The following NRL variants were observed in gnomAD, a reference collection of about 807,000 sequenced individuals.
NRL encodes neural retina leucine zipper.
NRL carries 16 observed loss-of-function variants against 12.5 expected under a neutral mutation model. The observed-to-expected ratio is 1.28, with a 90% CI of 0.87 to 1.95. The LOEUF (loss-of-function observed/expected upper bound fraction) is 1.95. Among genes scored for constraint, NRL ranks in the 30% most tolerant of loss-of-function variants. NRL has a pLI of 0.00. For synonymous variants in NRL, 142 were observed against 150.9 expected (o/e 0.94, Z 0.43); for missense variants, 314 against 325.8 (o/e 0.96, Z 0.28).
rs888449939 is a variant in NRL, at chr14:24,094,105, T to G, written c.-27-11230A>C. 5 of 533,486 alleles carry G rather than the reference T, an allele frequency of 9.4e-6. No individual in the cohort carries two copies. Among genetic ancestry groups the G allele is most frequent in the East Asian group, 7.0e-5 (2 of 28,550 alleles). The allele number at this position is 533,486 out of a possible 1,614,324, so 33.0% of individuals were successfully genotyped here. ...GGCCTCGAAGTCGGGGGCCGAAGAG[T>G]GGACCCAGTCCTCCAATGGGAGAGA... On this transcript the variant is annotated intron_variant, in intron 1 of 2. Transcript: ENST00000561028. The surrounding 1 kb of genome is among the most constrained non-coding windows in gnomAD (Gnocchi z 4.1).
At chr14:24,103,707 G>T (rs1387597844) in intron 1 of NRL, 1 of 1,614,224 alleles carries the variant, frequency 6.2e-7, no homozygotes. Flanking sequence ...TCGGGTGCTA[G>T]ACTGGATCTG....
rs1361158700 is a variant in NRL, at chr14:24,079,350, G to C, written c.*1886C>G. Among the ~76,000 whole-genome samples the C allele has an allele frequency of 6.6e-6, 1 of 152,178 alleles. No individual in the cohort carries two copies. Among genetic ancestry groups the C allele is most frequent in the Non-Finnish European group, 1.5e-5 (1 of 68,036 alleles). ...AATTTAGAGTGAGAGAAAAAGAGCT[G>C]GGCTCCCGGAAGGACCCTCCCTGCC... On this transcript the variant is annotated 3_prime_UTR_variant, in exon 3 of 3. Transcript: ENST00000561028.
At chr14:24,109,651 T>G (rs2037388979) in intron 1 of NRL, among the ~76,000 whole-genome samples, 1 of 149,080 alleles carries the variant, frequency 6.7e-6, no homozygotes. Flanking sequence ...TGAGCCGAGA[T>G]CGGTCCACTG....
Position 24,080,201 on chromosome 14 carries a change from T to C in NRL, c.*1035A>G, listed in dbSNP as rs2036238157. ...AGTTTAATTCACAAAAGCTGCACTCTCTCAGCAAATTGTCATCCCAGGAGA... is the reference window on the plus strand; with the variant it reads ...AGTTTAATTCACAAAAGCTGCACTCCCTCAGCAAATTGTCATCCCAGGAGA... On this transcript the variant is annotated 3_prime_UTR_variant, in exon 3 of 3. Coordinates refer to ENST00000561028, the MANE Select transcript of NRL (RefSeq NM_001354768.3). The C allele has an allele frequency of 6.6e-6, 1 of 152,230 alleles. No homozygotes were observed. The highest frequency in any genetic ancestry group is 1.5e-5 in the Non-Finnish European group (1 of 68,034). 9.4% of individuals were successfully genotyped at this position (152,230 alleles called of 1,614,324 possible). A position where few individuals can be genotyped will look rare whatever the true frequency, so the allele number is the denominator to read the frequency against.
At chr14:24,114,540 G>A (rs1594328893) in intron 1 of NRL, 182 bp downstream of exon 1, 1 of 319,280 alleles carries the variant, frequency 3.1e-6, no homozygotes, top group Non-Finnish European at 4.5e-6. Flanking sequence ...AATACCTCTC[G>A]GTAGCGAACC....
In NRL at chr14:24,104,658, C is replaced by A. The variant is rs942449072; in HGVS notation, c.-28+10064G>T. ...TCCGTCACAAAAAAAAAAAACAAAACAAAACAAAACAAAAAAAAAACTGAG... is the reference window on the plus strand; with the variant it reads ...TCCGTCACAAAAAAAAAAAACAAAAAAAAACAAAACAAAAAAAAAACTGAG... On this transcript the variant is annotated intron_variant, in intron 1 of 2. Coordinates refer to ENST00000561028, the MANE Select transcript of NRL (RefSeq NM_001354768.3). Among the ~76,000 whole-genome samples, 380 of 146,496 alleles carry A rather than the reference C, an allele frequency of 2.6e-3. 1 individual carries two copies. Among genetic ancestry groups the A allele is most frequent in the Middle Eastern group, 6.9e-3 (2 of 290 alleles).
intron 1 of NRL, chr14:24,100,541 A>T: frequency 1.0e-6 from 1 of 982,798 alleles, no homozygotes; most frequent in Non-Finnish European, 1.3e-6. Context: ...TGACAAATAC[A>T]CAGTAAATTC....
chr14:24,083,330 A>G (rs2036376950), intron 1 of NRL, among the ~76,000 whole-genome samples: 1 of 152,222 alleles, frequency 6.6e-6, no homozygotes, highest in Non-Finnish European at 1.5e-5. Flanking sequence ...TTTAAGAGCC[A>G]AGGATAATGT....
chr14:24,082,064 TG>T, intron 2 of NRL: 2 of 1,204,496 alleles, frequency 1.7e-6, no homozygotes, highest in East Asian at 5.4e-5. Flanking sequence ...CTGAGAAGGT[TG>T]GGGGCTGGGA....
chr14:24,087,354 A>G (rs1444133783), intron 1 of NRL, among the ~76,000 whole-genome samples: 3 of 152,204 alleles, frequency 2.0e-5, no homozygotes, highest in Non-Finnish European at 4.4e-5. Context: ...CCACAGAGGA[A>G]GAGCAGTGGC....
chr14:24,109,709 A>AG (rs2037390368), intron 1 of NRL, among the ~76,000 whole-genome samples: 1 of 152,050 alleles, frequency 6.6e-6, no homozygotes, highest in Non-Finnish European at 1.5e-5. Flanking sequence ...AAAAAAAAAA[A>AG]AAAAAATCTT....
intron 1 of NRL, among the ~76,000 whole-genome samples, chr14:24,114,011 A>G (rs984891466): frequency 2.6e-5 from 4 of 152,054 alleles, no homozygotes; most frequent in African/African-American, 9.7e-5. Context: ...CCTTGGACTC[A>G]GGCTTGTTAC....
rs533007017 is a variant in NRL at position 24,104,842 on chromosome 14, A to C, written c.-28+9880T>G. 1.6e-3 allele frequency among the ~76,000 whole-genome samples: 250 copies of C among 152,278 alleles called. 1 individual carries two copies. The highest frequency in any genetic ancestry group is 5.8e-3 in the African/African-American group (241 of 41,554). ...TGCCTGACCTGGCACTGGGAGCTGC[A>C]TAGTATTCATGGAAGCATATTCAAT... On this transcript the variant is annotated intron_variant, in intron 1 of 2. Coordinates refer to ENST00000561028, the MANE Select transcript of NRL (RefSeq NM_001354768.3).
rs1281121399 is a variant in NRL, at chr14:24,094,696, C to A, written c.-27-11821G>T. ...CCGCGCGATCTCTATCTGCCACTCT[C>A]AGAACTTCCTCTCTCTCCTCGCTCC... On this transcript the variant is annotated intron_variant, in intron 1 of 2. Coordinates refer to ENST00000561028, the MANE Select transcript of NRL (RefSeq NM_001354768.3). This position sits in a 1 kb window ranked among gnomAD's most constrained non-coding sequence, Gnocchi z 4.1. The A allele has an allele frequency of 6.6e-7, 1 of 1,519,458 alleles. No individual in the cohort carries two copies. The highest frequency in any genetic ancestry group is 8.8e-7 in the Non-Finnish European group (1 of 1,136,766). The allele number at this position is 1,519,458 out of a possible 1,614,324, so 94.1% of individuals were successfully genotyped here.
intron 1 of NRL, chr14:24,084,633 C>T: frequency 1.0e-6 from 1 of 985,458 alleles, no homozygotes; most frequent in Non-Finnish European, 1.2e-6. Flanking sequence ...CTCCAGGGGG[C>T]TGTGGGCACA....
At chr14:24,107,287 C>T (rs1012954636) in intron 1 of NRL, among the ~76,000 whole-genome samples, 3 of 152,114 alleles carry the variant, frequency 2.0e-5, no homozygotes, top group African/African-American at 7.2e-5. Context: ...CCTTCAGCTC[C>T]AGATAACTGA....
At chr14:24,107,700 T>C (rs894422845) in intron 1 of NRL, among the ~76,000 whole-genome samples, 2 of 152,192 alleles carry the variant, frequency 1.3e-5, no homozygotes, top group African/African-American at 4.8e-5. Context: ...AATTTACCCA[T>C]TGACGAATCC....
In NRL at chr14:24,081,669, C is replaced by T. The variant is rs942143460; in HGVS notation, c.382-101G>A. On this transcript the variant is annotated intron_variant, in intron 2 of 2. Coordinates refer to ENST00000561028, the MANE Select transcript of NRL (RefSeq NM_001354768.3). This position sits in a 1 kb window ranked among gnomAD's most constrained non-coding sequence, Gnocchi z 4.4. ...GGCTCCGCCCCGGGACAGCCCCGCC[C>T]CGGCTCCCACCTTCACCGGAAGGCT... 127 of 1,530,802 alleles carry T rather than the reference C, an allele frequency of 8.3e-5. No individual in the cohort carries two copies. Among genetic ancestry groups the T allele is most frequent in the Non-Finnish European group, 1.1e-4 (123 of 1,139,536 alleles). 94.8% of individuals were successfully genotyped at this position (1,530,802 alleles called of 1,614,324 possible).
chr14:24,088,410 GC>G (rs1399150000), intron 1 of NRL, among the ~76,000 whole-genome samples: 3 of 152,230 alleles, frequency 2.0e-5, no homozygotes, highest in Admixed American at 2.0e-4. Flanking sequence ...TCCACACAAG[GC>G]CCCTTGCAGT....
Sources: allele counts gnomAD v4.1 joint callset (sites outside exome capture counted in the v4.1 genomes callset), GRCh38; gene constraint gnomAD v4.1.1; non-coding constraint Gnocchi (gnomAD v3.1); transcripts MANE v1.5; gene names NCBI Gene and HGNC (gene_info 2026-07-23, HGNC 2026-07-21).